The following TRPM3 variants were observed in gnomAD, a reference collection of about 807,000 sequenced individuals.
The protein encoded by TRPM3 is long transient receptor potential channel 3.
Under a neutral mutation model 181.2 loss-of-function variants are expected in TRPM3, and 77 were observed. The ratio of observed to expected loss-of-function variants is 0.42; its 90% CI spans 0.35 to 0.51. The LOEUF is 0.51. Among genes scored for constraint, TRPM3 ranks in the 20% least tolerant of loss-of-function variants. TRPM3 has a pLI of 0.01. For missense variants in TRPM3, 1,759 were observed against 2,196.7 expected, an observed-to-expected ratio of 0.80 and a Z score of 3.98; for synonymous variants, 745 against 796.4, an observed-to-expected ratio of 0.94 and a Z score of 1.09.
In TRPM3 at chr9:70,597,054, C is replaced by T. The variant is rs150189032; in HGVS notation, c.3048+1365G>A. ...GTTCAAGTGATTCTCCTGCCTCAGC[C>T]TCCCGAGTAGCTAGGATTACAGGCA... On this transcript the variant is annotated intron_variant, in intron 21 of 25. Transcript: ENST00000677713. Among the ~76,000 whole-genome samples, 385 of 152,290 alleles carry T rather than the reference C, an allele frequency of 2.5e-3. 1 individual carries two copies. Among genetic ancestry groups the T allele is most frequent in the Non-Finnish European group, 4.6e-3 (312 of 68,018 alleles).
intron 8 of TRPM3, among the ~76,000 whole-genome samples, chr9:70,739,106 G>A (rs988938082): frequency 6.6e-6 from 1 of 152,086 alleles, no homozygotes; most frequent in Non-Finnish European, 1.5e-5. Flanking sequence ...GATAAAGAGG[G>A]AATCTTCTCT....
chr9:70,574,254 C>T (rs2053327877), intron 22 of TRPM3, among the ~76,000 whole-genome samples: 1 of 152,092 alleles, frequency 6.6e-6, no homozygotes, highest in Non-Finnish European at 1.5e-5. Context: ...ACAACTTGGC[C>T]CTGGTCTGCC....
intron 1 of TRPM3, among the ~76,000 whole-genome samples, chr9:71,407,939 T>C (rs1040009553): frequency 7.9e-5 from 12 of 152,206 alleles, no homozygotes; most frequent in African/African-American, 2.7e-4. Flanking sequence ...CAGCCTCCGC[T>C]GGTGATACCC....
intron 1 of TRPM3, among the ~76,000 whole-genome samples, chr9:71,109,358 G>A (rs2070503282): frequency 6.6e-6 from 1 of 151,640 alleles, no homozygotes; most frequent in Admixed American, 6.6e-5. Flanking sequence ...AGTGAAAGCA[G>A]TTGCACATAG....
intron 1 of TRPM3, among the ~76,000 whole-genome samples, chr9:71,420,005 A>G (rs1410420762): frequency 2.6e-5 from 4 of 152,032 alleles, no homozygotes; most frequent in African/African-American, 9.7e-5. Context: ...TACATTATTA[A>G]TAATCAACTA....
intron 1 of TRPM3, among the ~76,000 whole-genome samples, chr9:71,305,869 A>G (rs2087253368): frequency 6.6e-6 from 1 of 152,124 alleles, no homozygotes; most frequent in Non-Finnish European, 1.5e-5. Context: ...TTGGATCAGA[A>G]TTCCTTCTTT....
chr9:71,282,345 A>AAAAG (rs1211564530), intron 1 of TRPM3, among the ~76,000 whole-genome samples: 2 of 82,978 alleles, frequency 2.4e-5, no homozygotes, highest in Middle Eastern at 4.8e-3. Context: ...AGAAAGAAAG[A>AAAAG]AAAGAAAGAA....
chr9:70,788,486 C>G (rs1005652530), intron 6 of TRPM3, among the ~76,000 whole-genome samples: 2 of 151,954 alleles, frequency 1.3e-5, no homozygotes, highest in African/African-American at 4.8e-5. Flanking sequence ...ATTGGCTAAA[C>G]CTTCCACAGT....
intron 1 of TRPM3, among the ~76,000 whole-genome samples, chr9:71,404,712 T>C (rs553510328): frequency 4.6e-5 from 7 of 152,288 alleles, no homozygotes; most frequent in Admixed American, 2.0e-4. Flanking sequence ...TGGCTCCCCA[T>C]TGCATAGAGA....
chr9:71,217,312 G>C (rs1214528237), intron 1 of TRPM3, among the ~76,000 whole-genome samples: 2 of 152,106 alleles, frequency 1.3e-5, no homozygotes, highest in Non-Finnish European at 2.9e-5. Flanking sequence ...CAGGGTTCAT[G>C]GTCATATTTA....
At position 70,610,848 on chromosome 9, in the gene TRPM3, C is replaced by A; in HGVS notation, c.2527-99G>T. ...GATGAGGAAAGGATGCTCATAGAAC[C>A]TAAGAACCCAAGGCCCCAGAGATTT... On this transcript the variant is annotated intron_variant, in intron 18 of 25. Coordinates refer to ENST00000677713, the MANE Select transcript of TRPM3 (RefSeq NM_001366145.2). 2.8e-6 allele frequency: 4 copies of A among 1,437,414 alleles called. No homozygotes were observed. The South Asian group carries it at 5.3e-5, about 19-fold the overall frequency. 89.0% of individuals were successfully genotyped at this position (1,437,414 alleles called of 1,614,324 possible).
At chr9:70,915,682 T>C (rs1421864736) in intron 1 of TRPM3, among the ~76,000 whole-genome samples, 1 of 148,230 alleles carries the variant, frequency 6.7e-6, no homozygotes, top group African/African-American at 2.5e-5. Flanking sequence ...TATTTGAAAA[T>C]ACATGTCAGA....
intron 1 of TRPM3, among the ~76,000 whole-genome samples, chr9:70,923,183 T>A (rs1037565018): frequency 3.3e-5 from 5 of 152,160 alleles, no homozygotes; most frequent in Non-Finnish European, 7.4e-5. Flanking sequence ...AAAAAAAGCC[T>A]AAAAAACCTG....
chr9:71,198,626 T>G (rs2078558205), intron 1 of TRPM3, among the ~76,000 whole-genome samples: 2 of 151,668 alleles, frequency 1.3e-5, no homozygotes, highest in Non-Finnish European at 2.9e-5. Flanking sequence ...TTTATTCTCT[T>G]TGAAGCAATT....
intron 1 of TRPM3, among the ~76,000 whole-genome samples, chr9:71,356,290 T>A (rs142388320): frequency 6.6e-6 from 1 of 152,138 alleles, no homozygotes; most frequent in South Asian, 2.1e-4. Flanking sequence ...TATTTCATCA[T>A]CCTGGTGTTA....
At chr9:71,359,290 T>G (rs1201947077) in intron 1 of TRPM3, among the ~76,000 whole-genome samples, 4 of 152,156 alleles carry the variant, frequency 2.6e-5, no homozygotes, top group Admixed American at 2.6e-4. Flanking sequence ...CTGAGGTGGG[T>G]GTGTATGTGC....
At chr9:70,760,053 T>G (rs2077816971) in intron 8 of TRPM3, among the ~76,000 whole-genome samples, 1 of 152,136 alleles carries the variant, frequency 6.6e-6, no homozygotes, top group Non-Finnish European at 1.5e-5. Context: ...ACAAATAACT[T>G]GCATAAAATG....
chr9:71,100,511 T>C (rs556147298), intron 1 of TRPM3, among the ~76,000 whole-genome samples: 1 of 152,266 alleles, frequency 6.6e-6, no homozygotes, highest in East Asian at 1.9e-4. Flanking sequence ...AACTATGAAT[T>C]ATGAGGATAC....
At chr9:70,919,980 C>A (rs565600883) in intron 1 of TRPM3, among the ~76,000 whole-genome samples, 2 of 152,178 alleles carry the variant, frequency 1.3e-5, no homozygotes, top group East Asian at 1.9e-4. Context: ...AGGGAATAGA[C>A]CCTCCCTGCA....
Sources: gnomAD v4.1 joint callset for allele counts (sites outside exome capture counted in the v4.1 genomes callset) on GRCh38, gnomAD v4.1.1 for gene constraint, MANE v1.5 for transcripts, NCBI Gene and HGNC (gene_info 2026-07-23, HGNC 2026-07-21) for gene names.